The following IL12RB2 variants were observed in gnomAD, a reference collection of about 807,000 sequenced individuals.
IL12RB2 encodes interleukin-12 receptor subunit beta-2.
In IL12RB2, 82 loss-of-function variants were observed where a neutral mutation model predicts 89.4. The ratio of observed to expected loss-of-function variants is 0.92; its 90% confidence interval spans 0.77 to 1.10. The LOEUF is 1.10. IL12RB2 is among the 50% of genes least tolerant of loss of function. The probability of loss-of-function intolerance (pLI) is 0.00; values close to 1 mark genes in which losing one functional copy is unlikely to be tolerated. For synonymous variants in IL12RB2, 368 were observed against 370.1 expected (o/e 0.99, Z 0.07); for missense variants, 963 against 1,031.9 (o/e 0.93, Z 0.92).
chr1:67,396,553 CTCA>C lies in IL12RB2; in HGVS notation c.*465_*467del. 1 of 230,374 alleles carries C rather than the reference CTCA, an allele frequency of 4.3e-6. No homozygotes were observed. Among genetic ancestry groups the C allele is most frequent in the Admixed American group, 5.1e-5 (1 of 19,708 alleles). The allele number at this position is 230,374 out of a possible 1,614,324, so 14.3% of individuals were successfully genotyped here. ...ATGATGGAAATGTTCTACCTCTGCA[CTCA>C]CTGTCCAGTACATTAGACACTAGGC... On this transcript the variant is annotated 3_prime_UTR_variant, in exon 17 of 17. Coordinates refer to ENST00000674203, the MANE Select transcript of IL12RB2 (RefSeq NM_001374259.2).
chr1:67,369,992 A>G (rs1663116135), intron 11 of IL12RB2, among the ~76,000 whole-genome samples: 1 of 149,556 alleles, frequency 6.7e-6, no homozygotes, highest in Admixed American at 6.7e-5. Flanking sequence ...ATTGCACTCC[A>G]GCCTGGGTGA....
At chr1:67,366,214 G>A (rs1662647564) in intron 10 of IL12RB2, among the ~76,000 whole-genome samples, 1 of 152,070 alleles carries the variant, frequency 6.6e-6, no homozygotes, top group South Asian at 2.1e-4. Context: ...CACTTTGGGA[G>A]CCCGAGGCGG....
At chr1:67,386,394 C>A (rs930770402) in intron 14 of IL12RB2, among the ~76,000 whole-genome samples, 185 bp from the exon 15 acceptor site, 1 of 152,070 alleles carries the variant, frequency 6.6e-6, no homozygotes, top group African/African-American at 2.4e-5. Context: ...CCTCTTGGAA[C>A]CATAGAATTG....
intron 8 of IL12RB2, among the ~76,000 whole-genome samples, chr1:67,334,816 A>G (rs1658555592): frequency 6.6e-6 from 1 of 152,146 alleles, no homozygotes; most frequent in Admixed American, 6.5e-5. Context: ...CATTATCAAA[A>G]CCATTTTCTT....
At chr1:67,329,523 G>A (rs1322229365) in intron 6 of IL12RB2, 64 bp from the exon 7 acceptor site, 2 of 954,526 alleles carry the variant, frequency 2.1e-6, no homozygotes, top group Non-Finnish European at 3.5e-6. Flanking sequence ...GCTCATGCCA[G>A]TACATAAGAC....
intron 9 of IL12RB2, among the ~76,000 whole-genome samples, chr1:67,348,859 A>C (rs1660518780): frequency 6.6e-6 from 1 of 152,202 alleles, no homozygotes; most frequent in Non-Finnish European, 1.5e-5. Context: ...TATTCCAAAA[A>C]TTGAGTTTGA....
At chr1:67,318,632 G>A (rs1385273641) in intron 2 of IL12RB2, among the ~76,000 whole-genome samples, 2 of 152,138 alleles carry the variant, frequency 1.3e-5, no homozygotes, top group Non-Finnish European at 2.9e-5. Context: ...TTAGCCACCT[G>A]GGGTAAGAAT....
chr1:67,386,045 C>T (rs1023870241), intron 14 of IL12RB2, among the ~76,000 whole-genome samples: 15 of 151,942 alleles, frequency 9.9e-5, no homozygotes, highest in African/African-American at 3.4e-4. Context: ...CCTGTCTCTA[C>T]TAAAAATACA....
chr1:67,394,183 A>G (rs960682714), intron 16 of IL12RB2, among the ~76,000 whole-genome samples: 15 of 152,140 alleles, frequency 9.9e-5, no homozygotes. Context: ...TCTGAAGAGA[A>G]AGACAGAGAG....
At chr1:67,370,442 G>A (rs747529588) in intron 11 of IL12RB2, among the ~76,000 whole-genome samples, 2 of 152,162 alleles carry the variant, frequency 1.3e-5, no homozygotes, top group Non-Finnish European at 2.9e-5. Context: ...CCTGCACCTA[G>A]AGTTGTTGGG....
chr1:67,310,313 T>A (rs1355084457), intron 1 of IL12RB2, among the ~76,000 whole-genome samples: 1 of 151,932 alleles, frequency 6.6e-6, no homozygotes, highest in African/African-American at 2.4e-5. Context: ...GTTTTCCAAA[T>A]AAGTATTGAA....
chr1:67,334,976 A>G (rs772200816), intron 8 of IL12RB2, among the ~76,000 whole-genome samples: 18 of 152,188 alleles, frequency 1.2e-4, no homozygotes, highest in Non-Finnish European at 2.1e-4. Flanking sequence ...AGAGATTTAT[A>G]TCAGACACTT....
chr1:67,334,471 A>G (rs1658499224), intron 8 of IL12RB2, among the ~76,000 whole-genome samples: 1 of 152,162 alleles, frequency 6.6e-6, no homozygotes, highest in Admixed American at 6.5e-5. Flanking sequence ...CATGTCACTA[A>G]AAAGGATTCT....
At chr1:67,350,726 T>G in intron 9 of IL12RB2, 144 bp from the exon 10 acceptor site, 3 of 1,505,832 alleles carry the variant, frequency 2.0e-6, no homozygotes, top group East Asian at 2.5e-5. Flanking sequence ...TGCATAAAAG[T>G]GTGTAGCAGG....
At chr1:67,308,219 G>A (rs1459144679) in intron 1 of IL12RB2, among the ~76,000 whole-genome samples, 1 of 152,028 alleles carries the variant, frequency 6.6e-6, no homozygotes, top group Non-Finnish European at 1.5e-5. Flanking sequence ...GTGGTGGTTT[G>A]GCTGGATGGA....
Position 67,397,856 on chromosome 1 carries a change from T to C in IL12RB2, c.*1767T>C, listed in dbSNP as rs1183436173. ...CATTTAACAAAGTACTTGTTGTAAA[T>C]GTGTACTTCTTGCCTAACGTGAGGA... On this transcript the variant is annotated 3_prime_UTR_variant, in exon 17 of 17. Coordinates refer to ENST00000674203, the MANE Select transcript of IL12RB2 (RefSeq NM_001374259.2). Among the ~76,000 whole-genome samples the C allele has an allele frequency of 6.6e-6, 1 of 152,158 alleles. No homozygotes were observed. Among genetic ancestry groups the C allele is most frequent in the African/African-American group, 2.4e-5 (1 of 41,422 alleles).
chr1:67,397,566 TC>T lies in IL12RB2; in HGVS notation c.*1479del, dbSNP rs1396136830. Reference sequence around the variant, plus strand: ...TCCACAACATGGACTTGGAACATGATCCATGTTTTGCTCTTTAAAGCTGTGG... The same window carrying T: ...TCCACAACATGGACTTGGAACATGATCATGTTTTGCTCTTTAAAGCTGTGG... On this transcript the variant is annotated 3_prime_UTR_variant, in exon 17 of 17. Transcript: ENST00000674203. Among the ~76,000 whole-genome samples, 1 of 152,136 alleles carries T rather than the reference TC, an allele frequency of 6.6e-6. No individual in the cohort carries two copies. The highest frequency in any genetic ancestry group is 2.4e-5 in the African/African-American group (1 of 41,438).
intron 10 of IL12RB2, among the ~76,000 whole-genome samples, chr1:67,351,642 T>C (rs927613622): frequency 3.9e-5 from 6 of 152,044 alleles, no homozygotes; most frequent in African/African-American, 1.4e-4. Context: ...CAAAAACAAA[T>C]AAATAAATAA....
Sources: allele counts gnomAD v4.1 joint callset (sites outside exome capture counted in the v4.1 genomes callset), GRCh38; gene constraint gnomAD v4.1.1; transcripts MANE v1.5; gene names NCBI Gene and HGNC (gene_info 2026-07-23, HGNC 2026-07-21).